KIAA1549L: variants seen among roughly 807,000 people sequenced by gnomAD.
KIAA1549L encodes the protein UPF0606 protein KIAA1549L.
Under a neutral mutation model 160.7 loss-of-function variants are expected in KIAA1549L, and 88 were observed. That is an observed-to-expected ratio of 0.55 (90% CI 0.46 to 0.65). The LOEUF (loss-of-function observed/expected upper bound fraction) is 0.65. Ranked by LOEUF, KIAA1549L falls within the 30% of genes least tolerant of loss-of-function variation. The pLI, the probability that KIAA1549L is intolerant of heterozygous loss-of-function variation, is 0.00. For missense variants in KIAA1549L, 2,258 were observed against 2,437.5 expected (o/e 0.93, Z 1.55); for synonymous variants, 950 against 976.7 (o/e 0.97, Z 0.51).
At chr11:33,409,343 C>T (rs188363027) in intron 1 of KIAA1549L, among the ~76,000 whole-genome samples, 33 of 152,186 alleles carry the variant, frequency 2.2e-4, no homozygotes, top group African/African-American at 7.7e-4. Flanking sequence ...CTCTAAAGGA[C>T]CTTTTCTAGA....
At chr11:33,456,591 T>C (rs917957309) in intron 1 of KIAA1549L, among the ~76,000 whole-genome samples, 2 of 152,076 alleles carry the variant, frequency 1.3e-5, no homozygotes, top group African/African-American at 2.4e-5. Flanking sequence ...TCATATTTTT[T>C]TGTAGAGACA....
chr11:33,589,673 G>A (rs1324506445), intron 11 of KIAA1549L, among the ~76,000 whole-genome samples: 8 of 150,666 alleles, frequency 5.3e-5, no homozygotes, highest in Non-Finnish European at 1.2e-4. Context: ...AAAAAACCAA[G>A]CACCGCATGT....
At chr11:33,478,551 A>G (rs1852342184) in intron 1 of KIAA1549L, among the ~76,000 whole-genome samples, 1 of 152,304 alleles carries the variant, frequency 6.6e-6, no homozygotes, top group Non-Finnish European at 1.5e-5. Context: ...CTGTCCTTTT[A>G]AAGAGCTGGT....
intron 15 of KIAA1549L, among the ~76,000 whole-genome samples, chr11:33,614,820 G>A (rs1283370272): frequency 6.6e-6 from 1 of 150,606 alleles, no homozygotes; most frequent in East Asian, 2.0e-4. Context: ...ACCATGTTGG[G>A]CAGGATGGTC....
chr11:33,582,107 G>A (rs968276329), intron 10 of KIAA1549L, among the ~76,000 whole-genome samples: 2 of 152,156 alleles, frequency 1.3e-5, no homozygotes, highest in Non-Finnish European at 2.9e-5. Context: ...CTAAAAGCAG[G>A]AGCAATTAAG....
At chr11:33,540,776 C>T (rs879876610) in intron 1 of KIAA1549L, among the ~76,000 whole-genome samples, 2 of 152,190 alleles carry the variant, frequency 1.3e-5, no homozygotes, top group Non-Finnish European at 2.9e-5. Context: ...CTTCAGAAAG[C>T]ACCCCAATGA....
chr11:33,659,490 A>G (rs1200645007), intron 19 of KIAA1549L, among the ~76,000 whole-genome samples: 4 of 152,212 alleles, frequency 2.6e-5, no homozygotes, highest in African/African-American at 9.6e-5. Flanking sequence ...ACTTTTCCCT[A>G]TTGATGGACA....
At chr11:33,563,737 T>G (rs968296477) in intron 8 of KIAA1549L, among the ~76,000 whole-genome samples, 1 of 152,176 alleles carries the variant, frequency 6.6e-6, no homozygotes, top group Admixed American at 6.5e-5. Context: ...CAGCAACACA[T>G]TTTTGGAGCT....
intron 1 of KIAA1549L, among the ~76,000 whole-genome samples, chr11:33,413,638 C>T (rs1850828217): frequency 6.6e-6 from 1 of 151,986 alleles, no homozygotes; most frequent in South Asian, 2.1e-4. Flanking sequence ...AATTATAGTA[C>T]AGTCTATGTA....
chr11:33,583,266 G>C (rs1349458364), intron 10 of KIAA1549L, 72 bp from the exon 11 acceptor site: 2 of 1,411,430 alleles, frequency 1.4e-6, no homozygotes, highest in African/African-American at 2.8e-5. Flanking sequence ...CTGGGGTGGG[G>C]GGTTATGTCT....
intron 1 of KIAA1549L, among the ~76,000 whole-genome samples, chr11:33,392,163 T>A (rs1490492087): frequency 6.6e-6 from 1 of 152,212 alleles, no homozygotes; most frequent in Non-Finnish European, 1.5e-5. Flanking sequence ...TAGATCTGAT[T>A]ACAATGTAAA....
chr11:33,492,964 T>A (rs914209526), intron 1 of KIAA1549L, among the ~76,000 whole-genome samples: 1 of 152,136 alleles, frequency 6.6e-6, no homozygotes, highest in African/African-American at 2.4e-5. Context: ...ACACAGTGTT[T>A]TCCTTTAGTG....
intron 1 of KIAA1549L, among the ~76,000 whole-genome samples, chr11:33,472,400 T>C (rs111297855): frequency 0.023 from 3,421 of 151,758 alleles, 44 homozygotes; most frequent in South Asian, 0.086. Context: ...GGATAACATG[T>C]GTGAGCCACT....
At chr11:33,455,412 G>A (rs558914695) in intron 1 of KIAA1549L, among the ~76,000 whole-genome samples, 7 of 152,254 alleles carry the variant, frequency 4.6e-5, no homozygotes, top group African/African-American at 1.7e-4. Context: ...AATACTTTTG[G>A]ACATTAAAGC....
chr11:33,556,570 C>T (rs571674398), intron 6 of KIAA1549L, among the ~76,000 whole-genome samples: 2 of 152,212 alleles, frequency 1.3e-5, no homozygotes, highest in South Asian at 2.1e-4. Flanking sequence ...ACCTTGAGGA[C>T]GTTTTGCTAA....
Position 33,671,279 on chromosome 11 carries a change from G to A in KIAA1549L, c.*3125G>A, listed in dbSNP as rs1399130828. 1.3e-5 allele frequency: 2 copies of A among 152,220 alleles called. No homozygotes were observed. Among genetic ancestry groups the A allele is most frequent in the Non-Finnish European group, 2.9e-5 (2 of 68,060 alleles). 9.4% of individuals were successfully genotyped at this position (152,220 alleles called of 1,614,324 possible). A position where few individuals can be genotyped will look rare whatever the true frequency, so the allele number is the denominator to read the frequency against. ...CACCAAGGATCCCAACAGGCAGGCA[G>A]GGAGGCCCTTGACTTTGTGTCACTG... On this transcript the variant is annotated 3_prime_UTR_variant, in exon 21 of 21. Transcript: ENST00000658780.
intron 18 of KIAA1549L, among the ~76,000 whole-genome samples, chr11:33,656,980 A>G (rs10836093): frequency 0.38 from 57,738 of 151,948 alleles, 11,290 homozygotes; most frequent in East Asian, 0.5. Context: ...TATCTGTAAC[A>G]TGAGCACAGG....
At chr11:33,395,687 A>G (rs1850359654) in intron 1 of KIAA1549L, among the ~76,000 whole-genome samples, 2 of 152,270 alleles carry the variant, frequency 1.3e-5, no homozygotes, top group Admixed American at 1.3e-4. Flanking sequence ...GCTGTTTTCA[A>G]CTTCTTGTAG....
chr11:33,591,585 A>G (rs1180319319), intron 12 of KIAA1549L, among the ~76,000 whole-genome samples, 164 bp downstream of exon 12: 1 of 152,260 alleles, frequency 6.6e-6, no homozygotes, highest in East Asian at 1.9e-4. Context: ...GAGAATCACA[A>G]TACCTGCCTA....
Sources: gnomAD v4.1 joint callset for allele counts (sites outside exome capture counted in the v4.1 genomes callset) on GRCh38, gnomAD v4.1.1 for gene constraint, MANE v1.5 for transcripts, NCBI Gene and HGNC (gene_info 2026-07-23, HGNC 2026-07-21) for gene names.